The following CFAP74 variants were observed in gnomAD, a reference collection of about 807,000 sequenced individuals.
The protein encoded by CFAP74 is cilia- and flagella-associated protein 74.
In CFAP74, 124 loss-of-function variants were observed where a neutral mutation model predicts 188.9. The ratio of observed to expected loss-of-function variants is 0.66; its 90% CI spans 0.57 to 0.76. The LOEUF (loss-of-function observed/expected upper bound fraction) is 0.76. Ranked by LOEUF, CFAP74 falls within the 30% of genes least tolerant of loss-of-function variation. The pLI, the probability that CFAP74 is intolerant of heterozygous loss-of-function variation, is 0.00. For synonymous variants in CFAP74, 956 were observed against 916.7 expected, an observed-to-expected ratio of 1.04 and a Z score of -0.77; for missense variants, 2,198 against 2,165.2, an observed-to-expected ratio of 1.02 and a Z score of -0.30.
chr1:1,926,618 G>A (rs751374138), intron 30 of CFAP74, 34 bp downstream of exon 30: 147 of 1,545,190 alleles, frequency 9.5e-5, no homozygotes, highest in Non-Finnish European at 1.1e-4. Flanking sequence ...CCTGGGCACC[G>A]GGGTGGAGGT....
At chr1:1,931,374 G>A (rs1391461365) in intron 25 of CFAP74, among the ~76,000 whole-genome samples, 3 of 145,738 alleles carry the variant, frequency 2.1e-5, no homozygotes, top group African/African-American at 7.7e-5. Flanking sequence ...AGCTTGCAGT[G>A]AGCTGAGATC....
At chr1:1,933,842 C>A (rs972902792) in intron 25 of CFAP74, among the ~76,000 whole-genome samples, 1 of 152,088 alleles carries the variant, frequency 6.6e-6, no homozygotes, top group African/African-American at 2.4e-5. Flanking sequence ...TTACTGTGTT[C>A]TTTTCCTAAT....
intron 6 of CFAP74, among the ~76,000 whole-genome samples, chr1:1,981,197 C>T (rs1656820311): frequency 1.3e-5 from 2 of 152,244 alleles, no homozygotes; most frequent in African/African-American, 4.8e-5. Context: ...TTGCAGAGAC[C>T]CTGCAACAAT....
intron 18 of CFAP74, chr1:1,955,172 A>G: frequency 7.8e-7 from 1 of 1,286,424 alleles, no homozygotes; most frequent in Non-Finnish European, 1.0e-6. Context: ...CAGGAGGAGG[A>G]CGGAGGTTTC....
At chr1:1,993,319 C>G (rs1185398859) in intron 1 of CFAP74, among the ~76,000 whole-genome samples, 1 of 151,448 alleles carries the variant, frequency 6.6e-6, no homozygotes, top group Non-Finnish European at 1.5e-5. Flanking sequence ...GGGTTTGACT[C>G]TGTCACCCAG....
chr1:1,963,600 G>A (rs1655251533), intron 14 of CFAP74, 149 bp downstream of exon 14: 3 of 550,592 alleles, frequency 5.4e-6, no homozygotes, highest in Middle Eastern at 4.7e-4. Flanking sequence ...AGAAGACAGA[G>A]GAGCCCCCTC....
intron 37 of CFAP74, 66 bp from the exon 38 acceptor site, chr1:1,922,789 G>T: frequency 6.4e-7 from 1 of 1,554,152 alleles, no homozygotes; most frequent in Admixed American, 1.9e-5. Context: ...TGGGACTAGG[G>T]GTGAGGGTGC....
intron 1 of CFAP74, among the ~76,000 whole-genome samples, chr1:1,991,393 C>A (rs776397644): frequency 8.7e-4 from 132 of 152,088 alleles, no homozygotes; most frequent in Non-Finnish European, 1.6e-3. Flanking sequence ...CCAACAGTAT[C>A]CTCGAGTATC....
At chr1:1,999,002 T>TC (rs1244293730) in intron 1 of CFAP74, among the ~76,000 whole-genome samples, 1 of 152,214 alleles carries the variant, frequency 6.6e-6, no homozygotes, top group African/African-American at 2.4e-5. Flanking sequence ...CTCTATAGAT[T>TC]CCCTAAAACC....
At chr1:1,924,599 G>A in intron 33 of CFAP74, 79 bp from the exon 34 acceptor site, 1 of 1,500,856 alleles carries the variant, frequency 6.7e-7, no homozygotes, top group Non-Finnish European at 9.0e-7. Flanking sequence ...CCCAGGACTT[G>A]GCTGGTGCTA....
chr1:1,929,637 C>T (rs990616071), intron 26 of CFAP74, among the ~76,000 whole-genome samples: 14 of 151,904 alleles, frequency 9.2e-5, no homozygotes, highest in African/African-American at 3.4e-4. Context: ...CCCTGCCAGG[C>T]CCAGAGCTTT....
At chr1:1,996,936 G>A (rs58325500) in intron 1 of CFAP74, among the ~76,000 whole-genome samples, 3,801 of 116,274 alleles carry the variant, frequency 0.033, 178 homozygotes, top group African/African-American at 0.11. Flanking sequence ...AAAAAAAAAA[G>A]AAAAAAAAAA....
chr1:1,990,765 A>G (rs1048241733), intron 2 of CFAP74, 125 bp downstream of exon 2: 1 of 627,810 alleles, frequency 1.6e-6, no homozygotes, highest in Non-Finnish European at 2.7e-6. Context: ...CCTCTTTGAG[A>G]GAAAAATATG....
At chr1:1,992,443 C>T (rs186807626) in intron 1 of CFAP74, among the ~76,000 whole-genome samples, 1 of 151,964 alleles carries the variant, frequency 6.6e-6, no homozygotes, top group Admixed American at 6.6e-5. Flanking sequence ...GCTGGGATTA[C>T]AAGCTTGAGC....
In CFAP74 at chr1:1,964,874, A is replaced by C; in HGVS notation, c.1575+14T>G. 6.2e-7 allele frequency: 1 copy of C among 1,613,310 alleles called. No individual in the cohort carries two copies. Among genetic ancestry groups the C allele is most frequent in the Non-Finnish European group, 8.5e-7 (1 of 1,179,872 alleles). Reference sequence around the variant, plus strand: ...CTGCTGCCCGTCCCGTTCCTGGCCCAGCTGCGGGCTCACCTGGAAGTGGAG... The same window carrying C: ...CTGCTGCCCGTCCCGTTCCTGGCCCCGCTGCGGGCTCACCTGGAAGTGGAG... On this transcript the variant is annotated intron_variant, in intron 13 of 38. Transcript: ENST00000682832.
At chr1:1,939,564 T>A in intron 24 of CFAP74, 30 bp downstream of exon 24, 1 of 1,527,324 alleles carries the variant, frequency 6.5e-7, no homozygotes, top group Non-Finnish European at 8.8e-7. Flanking sequence ...GCCTCACCCC[T>A]CTTACCCCAG....
At chr1:2,001,326 T>A (rs1296837235) in intron 1 of CFAP74, among the ~76,000 whole-genome samples, 1 of 151,860 alleles carries the variant, frequency 6.6e-6, no homozygotes, top group Non-Finnish European at 1.5e-5. Flanking sequence ...TGTTTTGTTT[T>A]TCATTTTGTT....
At position 1,981,484 on chromosome 1, in the gene CFAP74, G is replaced by A. The variant is rs548035293; in HGVS notation, c.500+3902C>T. 2.1e-3 allele frequency among the ~76,000 whole-genome samples: 289 copies of A among 138,652 alleles called. 9 individuals are homozygous for A. The highest frequency in any genetic ancestry group is 3.9e-3 in the Middle Eastern group (1 of 256). The allele number at this position is 138,652 out of a possible 152,430, so 91.0% of individuals were successfully genotyped here. A position where few individuals can be genotyped will look rare whatever the true frequency, so the allele number is the denominator to read the frequency against. The stretch of plus-strand genomic sequence containing the variant: ...AGGACACCCAGCCGCGGTCACACGC[G>A]GGGGCACGCAGGACACCCAACCACG... On this transcript the variant is annotated intron_variant, in intron 6 of 38. Coordinates refer to ENST00000682832, the MANE Select transcript of CFAP74 (RefSeq NM_001304360.2).
At chr1:1,943,193 G>A (rs1386118667) in intron 21 of CFAP74, among the ~76,000 whole-genome samples, 1 of 152,190 alleles carries the variant, frequency 6.6e-6, no homozygotes, top group Non-Finnish European at 1.5e-5. Flanking sequence ...ACAGAGCTGG[G>A]CCCCACTCAG....
Sources: gnomAD v4.1 joint callset for allele counts (sites outside exome capture counted in the v4.1 genomes callset) on GRCh38, gnomAD v4.1.1 for gene constraint, MANE v1.5 for transcripts, NCBI Gene and HGNC (gene_info 2026-07-23, HGNC 2026-07-21) for gene names.